Variants in ITGA6 observed in about 807,000 individuals in gnomAD.
The protein encoded by ITGA6 is integrin subunit alpha 6.
In ITGA6, 63 loss-of-function variants were observed where a neutral mutation model predicts 133.6. The observed-to-expected ratio is 0.47, with a 90% CI of 0.38 to 0.58. The LOEUF (loss-of-function observed/expected upper bound fraction) is 0.58, where lower values mean the gene tolerates loss of function less well. Among genes scored for constraint, ITGA6 ranks in the 20% least tolerant of loss-of-function variants. The pLI is 0.00. For missense variants in ITGA6, 1,068 were observed against 1,309.4 expected (o/e 0.82, Z 2.85); for synonymous variants, 434 against 482.0 (o/e 0.90, Z 1.30).
intron 1 of ITGA6, among the ~76,000 whole-genome samples, chr2:172,455,001 TAAA>T (rs989057820): frequency 6.6e-6 from 1 of 151,454 alleles, no homozygotes; most frequent in Non-Finnish European, 1.5e-5. Flanking sequence ...AAATAAAAGT[TAAA>T]AAAAAGCTGG....
intron 2 of ITGA6, 146 bp from the exon 3 acceptor site, chr2:172,467,331 CAAGT>C: frequency 1.5e-6 from 1 of 667,544 alleles, no homozygotes. Flanking sequence ...CTTGAGATGA[CAAGT>C]AATTTTTCTG....
At chr2:172,476,548 C>A in intron 9 of ITGA6, 35 bp downstream of exon 9, 1 of 1,214,540 alleles carries the variant, frequency 8.2e-7, no homozygotes, top group South Asian at 1.2e-5. Context: ...TAAGCATGTT[C>A]TATAATCAGG....
At chr2:172,477,280 G>A (rs528811824) in intron 9 of ITGA6, among the ~76,000 whole-genome samples, 15 of 152,240 alleles carry the variant, frequency 9.9e-5, no homozygotes, top group African/African-American at 1.7e-4. Flanking sequence ...TTTCCCATCC[G>A]TGGTGTTTGA....
intron 9 of ITGA6, 52 bp downstream of exon 9, chr2:172,476,565 T>G (rs530296249): frequency 9.3e-7 from 1 of 1,079,282 alleles, no homozygotes; most frequent in African/African-American, 1.5e-5. Flanking sequence ...CAGGTTATAC[T>G]AAAATGTTGA....
chr2:172,475,737 T>A (rs759278407), intron 8 of ITGA6, 52 bp downstream of exon 8: 1 of 965,760 alleles, frequency 1.0e-6, no homozygotes, highest in Admixed American at 1.7e-5. Context: ...TTTTGCCCTA[T>A]AATAAAATAT....
At chr2:172,466,346 T>G (rs2701267) in intron 2 of ITGA6, among the ~76,000 whole-genome samples, 139,558 of 152,220 alleles carry the variant, frequency 0.92, 64,333 homozygotes, top group East Asian at 0.98. Flanking sequence ...TGGCCAGGCG[T>G]CGGTGGCTCA....
rs1281192025 is a variant in ITGA6, at chr2:172,506,177, A to T, written c.*2109A>T. The T allele has an allele frequency of 6.6e-6, 1 of 152,632 alleles. No homozygotes were observed. Among genetic ancestry groups the T allele is most frequent in the Non-Finnish European group, 1.5e-5 (1 of 68,038 alleles). The allele number at this position is 152,632 out of a possible 1,614,324, so 9.5% of individuals were successfully genotyped here. A position where few individuals can be genotyped will look rare whatever the true frequency, so the allele number is the denominator to read the frequency against. On this transcript the variant is annotated 3_prime_UTR_variant, in exon 26 of 26. Transcript: ENST00000684293. ...GATATTTGTATAAAAGTGTGAAATAAATTTTTTATAAAAGTGTTCATTGTT... is the reference window on the plus strand; with the variant it reads ...GATATTTGTATAAAAGTGTGAAATATATTTTTTATAAAAGTGTTCATTGTT...
chr2:172,445,436 T>C (rs1684723916), intron 1 of ITGA6, among the ~76,000 whole-genome samples: 1 of 145,852 alleles, frequency 6.9e-6, no homozygotes, highest in Non-Finnish European at 1.5e-5. Flanking sequence ...GATCACGAGG[T>C]CAGGAGATCG....
At chr2:172,438,985 C>T (rs1256478817) in intron 1 of ITGA6, among the ~76,000 whole-genome samples, 1 of 151,942 alleles carries the variant, frequency 6.6e-6, no homozygotes, top group African/African-American at 2.4e-5. Flanking sequence ...TATATTTGAG[C>T]TACAGAGAAC....
At chr2:172,482,452 A>G (rs1174012721) in intron 11 of ITGA6, among the ~76,000 whole-genome samples, 1 of 152,174 alleles carries the variant, frequency 6.6e-6, no homozygotes, top group African/African-American at 2.4e-5. Flanking sequence ...ATAGATATCT[A>G]TAATTGAGCC....
chr2:172,504,418 G>C lies in ITGA6; in HGVS notation c.*350G>C. ...CTGTGGATATTGTTACGTAGCCTAA[G>C]GCTCCTGTTTTGCACAGCCAAATTT... On this transcript the variant is annotated 3_prime_UTR_variant, in exon 26 of 26. Transcript: ENST00000684293. The C allele has an allele frequency of 2.0e-6, 1 of 489,972 alleles. No individual in the cohort carries two copies. The highest frequency in any genetic ancestry group is 4.5e-5 in the South Asian group (1 of 22,288). 30.4% of individuals were successfully genotyped at this position (489,972 alleles called of 1,614,324 possible).
intron 23 of ITGA6, among the ~76,000 whole-genome samples, chr2:172,494,962 A>G (rs1285703431): frequency 2.0e-5 from 3 of 152,146 alleles, no homozygotes; most frequent in African/African-American, 7.2e-5. Context: ...AGAACAACTT[A>G]AAATTCAGAG....
At chr2:172,482,711 G>A (rs1686500256) in intron 11 of ITGA6, among the ~76,000 whole-genome samples, 1 of 152,198 alleles carries the variant, frequency 6.6e-6, no homozygotes, top group African/African-American at 2.4e-5. Flanking sequence ...AATGGATGAT[G>A]TCAAGGCTGC....
Position 172,485,165 on chromosome 2 carries a change from A to T in ITGA6, c.1755A>T (p.Ser585=). The T allele has an allele frequency of 6.2e-7, 1 of 1,613,818 alleles. No individual in the cohort carries two copies. Among genetic ancestry groups the T allele is most frequent in the Non-Finnish European group, 8.5e-7 (1 of 1,179,694 alleles). ...DKLRPIPITA[S]VEIQEPSSRR... ...TGCGTCCCATTCCCATAACTGCCTC[A>T]GTGGAGATCCAAGAGCCAAGCTCTC... The change falls in exon 13 of 26, where the codon TCA becomes TCT. Residue 585 remains serine, a synonymous_variant. Transcript: ENST00000684293.
chr2:172,501,054 T>C (rs1379911605), intron 24 of ITGA6, among the ~76,000 whole-genome samples: 2 of 152,040 alleles, frequency 1.3e-5, no homozygotes, highest in East Asian at 3.9e-4. Flanking sequence ...TAAAAGTAAA[T>C]AGGAAAAGTT....
intron 9 of ITGA6, among the ~76,000 whole-genome samples, chr2:172,478,851 A>G (rs1312808009): frequency 6.6e-6 from 1 of 152,202 alleles, no homozygotes; most frequent in African/African-American, 2.4e-5. Flanking sequence ...TGTTTGTACA[A>G]TGGAGACTCC....
chr2:172,473,448 G>A (rs1011527675), intron 5 of ITGA6, among the ~76,000 whole-genome samples: 2 of 152,178 alleles, frequency 1.3e-5, no homozygotes, highest in African/African-American at 4.8e-5. Context: ...GCATGTTTGT[G>A]TCTGAGAACT....
chr2:172,466,057 A>C, intron 2 of ITGA6: 1 of 324,716 alleles, frequency 3.1e-6, no homozygotes, highest in Non-Finnish European at 6.0e-6. Context: ...AGTTTTAAAT[A>C]TCAGACCCCT....
intron 4 of ITGA6, 60 bp from the exon 5 acceptor site, chr2:172,470,914 A>G (rs1460156081): frequency 2.5e-6 from 4 of 1,573,784 alleles, no homozygotes; most frequent in Non-Finnish European, 3.5e-6. Flanking sequence ...ATTAGGAACC[A>G]TTTATTTTCT....
Sources: allele counts gnomAD v4.1 joint callset (sites outside exome capture counted in the v4.1 genomes callset), GRCh38; gene constraint gnomAD v4.1.1; transcripts MANE v1.5; gene names NCBI Gene and HGNC (gene_info 2026-07-23, HGNC 2026-07-21).